Variants in GUCY1A2 observed in about 807,000 individuals in gnomAD.
The protein encoded by GUCY1A2 is guanylate cyclase soluble subunit alpha-2.
In GUCY1A2, 27 loss-of-function variants were observed where a neutral mutation model predicts 63.5. That is an observed-to-expected ratio of 0.43 (90% CI 0.31 to 0.59). The LOEUF is 0.59. Ranked by LOEUF, GUCY1A2 falls within the 20% of genes least tolerant of loss-of-function variation. The pLI, the probability that GUCY1A2 is intolerant of heterozygous loss-of-function variation, is 0.11. For synonymous variants in GUCY1A2, 364 were observed against 343.5 expected (o/e 1.06, Z -0.66); for missense variants, 768 against 913.3 (o/e 0.84, Z 2.05).
In GUCY1A2 at chr11:106,953,973, GATTC is replaced by G. The variant is rs377020588; in HGVS notation, c.488-13799_488-13796del. On this transcript the variant is annotated intron_variant, in intron 3 of 7. Transcript: ENST00000526355. ...AATTTTTTCAAAAAATCAGCTCCTGGATTCATTGATTTTTGGAGGTTTTTCATGT... is the reference window on the plus strand; with the variant it reads ...AATTTTTTCAAAAAATCAGCTCCTGGATTGATTTTTGGAGGTTTTTCATGT... Among the ~76,000 whole-genome samples the G allele has an allele frequency of 2.9e-4, 44 of 152,100 alleles. No individual in the cohort carries two copies. In the South Asian group the frequency reaches 8.7e-3, roughly 30 times the overall value.
chr11:106,773,384 A>G (rs1014899571), intron 6 of GUCY1A2, among the ~76,000 whole-genome samples: 37 of 152,172 alleles, frequency 2.4e-4, no homozygotes, highest in Non-Finnish European at 2.2e-4. Context: ...TCCCAACTAT[A>G]TGGTATACCA....
intron 6 of GUCY1A2, among the ~76,000 whole-genome samples, chr11:106,771,150 A>G (rs1325042453): frequency 2.6e-5 from 4 of 152,124 alleles, no homozygotes; most frequent in Admixed American, 6.6e-5. Context: ...TCTTTCTCAT[A>G]TACCCTAGGT....
intron 6 of GUCY1A2, among the ~76,000 whole-genome samples, chr11:106,715,363 T>G (rs1863196054): frequency 6.6e-6 from 1 of 152,086 alleles, no homozygotes; most frequent in Non-Finnish European, 1.5e-5. Flanking sequence ...AGACTGAAGC[T>G]CAAAAGAGCA....
chr11:106,943,773 T>C (rs1024957161), intron 3 of GUCY1A2, among the ~76,000 whole-genome samples: 24 of 152,160 alleles, frequency 1.6e-4, no homozygotes, highest in African/African-American at 4.3e-4. Flanking sequence ...CATGACTTTC[T>C]CTCATGGGCC....
chr11:106,996,692 C>G (rs1215821970), intron 1 of GUCY1A2, among the ~76,000 whole-genome samples: 2 of 152,190 alleles, frequency 1.3e-5, no homozygotes, highest in African/African-American at 4.8e-5. Flanking sequence ...GGCTAAGAGA[C>G]TGATTATTTC....
chr11:106,779,990 G>A (rs1864430535), intron 5 of GUCY1A2, among the ~76,000 whole-genome samples: 1 of 152,110 alleles, frequency 6.6e-6, no homozygotes. Context: ...AGACCAGCCT[G>A]GGCAACAGTG....
intron 4 of GUCY1A2, among the ~76,000 whole-genome samples, chr11:106,816,274 A>G (rs1164259451): frequency 6.6e-6 from 1 of 151,870 alleles, no homozygotes; most frequent in Non-Finnish European, 1.5e-5. Context: ...GAAATTGTAC[A>G]GAGTATGTTA....
chr11:106,781,987 T>C (rs1864473198), intron 5 of GUCY1A2, among the ~76,000 whole-genome samples: 1 of 152,212 alleles, frequency 6.6e-6, no homozygotes, highest in Non-Finnish European at 1.5e-5. Context: ...ACTTAAGAAA[T>C]ATCTGGGAAC....
In GUCY1A2 at chr11:106,829,639, G is replaced by A. The variant is rs181436157; in HGVS notation, c.1207-19161C>T. Among the ~76,000 whole-genome samples the A allele has an allele frequency of 9.9e-5, 15 of 152,258 alleles. 1 individual carries two copies. The East Asian group carries it at 2.7e-3, about 27-fold the overall frequency. The stretch of plus-strand genomic sequence containing the variant: ...GTTAAGATTGCCACCTGGATATTTT[G>A]AGCTCCTCCTACCTTTAGAAGGTAA... On this transcript the variant is annotated intron_variant, in intron 4 of 7. Coordinates refer to ENST00000526355, the MANE Select transcript of GUCY1A2 (RefSeq NM_000855.3).
intron 7 of GUCY1A2, among the ~76,000 whole-genome samples, chr11:106,703,068 A>C (rs1862845391): frequency 6.6e-6 from 1 of 152,158 alleles, no homozygotes; most frequent in Non-Finnish European, 1.5e-5. Context: ...AGGCAGAAGA[A>C]CATGGAAAGA....
At chr11:106,903,020 A>G (rs1038015238) in intron 4 of GUCY1A2, among the ~76,000 whole-genome samples, 60 of 152,150 alleles carry the variant, frequency 3.9e-4, no homozygotes, top group Non-Finnish European at 6.8e-4. Flanking sequence ...CTTTTCAAAT[A>G]TAAGAACTCT....
intron 7 of GUCY1A2, among the ~76,000 whole-genome samples, chr11:106,694,328 G>A (rs1237937245): frequency 6.6e-6 from 1 of 152,138 alleles, no homozygotes; most frequent in Admixed American, 6.6e-5. Context: ...TATCTTTCTA[G>A]AGTTAGCTGT....
intron 6 of GUCY1A2, among the ~76,000 whole-genome samples, chr11:106,753,138 T>C (rs1336950095): frequency 6.6e-6 from 1 of 152,240 alleles, no homozygotes; most frequent in Non-Finnish European, 1.5e-5. Flanking sequence ...CACTTTTTCA[T>C]ATGTCTGTTG....
chr11:106,812,514 C>T (rs1483580730), intron 4 of GUCY1A2, among the ~76,000 whole-genome samples: 1 of 151,412 alleles, frequency 6.6e-6, no homozygotes, highest in African/African-American at 2.4e-5. Flanking sequence ...CTCTTTTCTT[C>T]CTAGGTATCA....
intron 1 of GUCY1A2, among the ~76,000 whole-genome samples, chr11:106,993,530 A>T (rs962617062): frequency 7.4e-6 from 1 of 135,698 alleles, no homozygotes; most frequent in African/African-American, 2.4e-5. Flanking sequence ...AAGCCAAAAA[A>T]TAAAAAATAA....
chr11:106,980,370 T>A (rs969437632), intron 2 of GUCY1A2, among the ~76,000 whole-genome samples: 2 of 152,174 alleles, frequency 1.3e-5, no homozygotes, highest in Non-Finnish European at 2.9e-5. Flanking sequence ...AACTCATACA[T>A]GCACCCTAGT....
At position 106,676,999 on chromosome 11, in the gene GUCY1A2, C is replaced by T. The variant is rs1463065357; in HGVS notation, c.*10550G>A. The T allele has an allele frequency of 4.7e-6, 1 of 213,402 alleles. No individual in the cohort carries two copies. Among genetic ancestry groups the T allele is most frequent in the Non-Finnish European group, 9.5e-6 (1 of 105,310 alleles). 13.2% of individuals were successfully genotyped at this position (213,402 alleles called of 1,614,324 possible). A position where few individuals can be genotyped will look rare whatever the true frequency, so the allele number is the denominator to read the frequency against. ...CTGGAAGTCAAGGTCCCAATTCTCT[C>T]AGTCACTTCTATCCTCAACTGATCT... On this transcript the variant is annotated 3_prime_UTR_variant, in exon 8 of 8. Transcript: ENST00000526355.
intron 4 of GUCY1A2, among the ~76,000 whole-genome samples, chr11:106,938,690 T>C: frequency 6.6e-6 from 1 of 152,208 alleles, no homozygotes; most frequent in South Asian, 2.1e-4. Flanking sequence ...CTTTACATTT[T>C]ATTATCTATT....
intron 4 of GUCY1A2, among the ~76,000 whole-genome samples, chr11:106,833,606 C>T (rs923981341): frequency 3.3e-5 from 5 of 152,006 alleles, no homozygotes; most frequent in East Asian, 3.9e-4. Context: ...ATAAGAGTAG[C>T]GATTTCTATC....
Sources: gnomAD v4.1 joint callset for allele counts (sites outside exome capture counted in the v4.1 genomes callset) on GRCh38, gnomAD v4.1.1 for gene constraint, MANE v1.5 for transcripts, NCBI Gene and HGNC (gene_info 2026-07-23, HGNC 2026-07-21) for gene names.